The following MROH2A variants were observed in gnomAD, a reference collection of about 807,000 sequenced individuals.
MROH2A encodes the protein maestro heat-like repeat-containing protein family member 2A.
A neutral mutation model predicts 200.4 loss-of-function variants in MROH2A; 174 were observed. That is an observed-to-expected ratio of 0.87 (90% CI 0.77 to 0.98). MROH2A has a LOEUF of 0.98. MROH2A is among the 50% of genes least tolerant of loss of function. The probability of loss-of-function intolerance (pLI) is 0.00; values close to 1 mark genes in which losing one functional copy is unlikely to be tolerated. For missense variants in MROH2A, 2,045 were observed against 2,139.6 expected (o/e 0.96, Z 0.87); for synonymous variants, 829 against 840.4 (o/e 0.99, Z 0.23).
At chr2:233,788,071 ATAC>A (rs1358413623) in intron 3 of MROH2A, among the ~76,000 whole-genome samples, 6 of 93,996 alleles carry the variant, frequency 6.4e-5, no homozygotes, top group Admixed American at 1.7e-4. Flanking sequence ...TATTATATAT[ATAC>A]ATATATATTA....
chr2:233,802,110 T>A, intron 14 of MROH2A, 58 bp from the exon 15 acceptor site: 1 of 1,498,760 alleles, frequency 6.7e-7, no homozygotes, highest in Non-Finnish European at 9.0e-7. Context: ...ACTGTTCTCC[T>A]TAGAAGCCCA....
chr2:233,799,917 G>T lies in MROH2A; in HGVS notation c.1449+18G>T, dbSNP rs116915889. The T allele has an allele frequency of 6.5e-7, 1 of 1,550,180 alleles. No homozygotes were observed. Among genetic ancestry groups the T allele is most frequent in the Non-Finnish European group, 8.7e-7 (1 of 1,146,862 alleles). The stretch of plus-strand genomic sequence containing the variant: ...ACAAACTGGTGAGTGGCCCTGATAC[G>T]CAGACCGCAGAGCAGCTGGACTTGG... On this transcript the variant is annotated intron_variant, in intron 13 of 41. Coordinates refer to ENST00000389758, the MANE Select transcript of MROH2A (RefSeq NM_001394639.1).
chr2:233,776,108 A>T (rs549484562), upstream of MROH2A, among the ~76,000 whole-genome samples: 14 of 152,338 alleles, frequency 9.2e-5, no homozygotes, highest in African/African-American at 3.1e-4. Context: ...TCTTCATAGC[A>T]GTATGAAAAT....
At position 233,796,002 on chromosome 2, in the gene MROH2A, C is replaced by T; in HGVS notation, c.1095C>T (p.Ser365=). ...CNKAPAQHQY[S]SQNLMEMVHC... Reference sequence around the variant, plus strand: ...AGGCCCCGGCCCAGCATCAGTACAGCAGCCAGAATCTGATGGAGATGGTGC... The same window carrying T: ...AGGCCCCGGCCCAGCATCAGTACAGTAGCCAGAATCTGATGGAGATGGTGC... The change falls in exon 10 of 42, where the codon AGC becomes AGT. Residue 365 remains serine, a synonymous_variant. Transcript: ENST00000389758. 1 of 1,550,634 alleles carries T rather than the reference C, an allele frequency of 6.4e-7. No homozygotes were observed. Among genetic ancestry groups the T allele is most frequent in the Non-Finnish European group, 8.7e-7 (1 of 1,146,986 alleles).
Position 233,789,961 on chromosome 2 carries a change from A to C in MROH2A, c.518A>C (p.Asn173Thr), listed in dbSNP as rs1418444544. ...YELQHHLKPL[N>T]LTDEFVIITL... ...CTGCAGCACCACCTCAAGCCCCTCA[A>C]CCTCACTGATGAATTTGTCATCATC... Residue 173 changes from asparagine (N) to threonine (T), a missense_variant, in exon 5 of 42, where the codon AAC becomes ACC. Asn to Thr is a moderately conservative substitution (Grantham distance 65, BLOSUM62 0). Around this residue, in one of 3 missense-constraint regions of MROH2A, gnomAD observed 831 missense variants for 800.0 expected, o/e 1.04. Transcript: ENST00000389758. The C allele has an allele frequency of 6.5e-7, 1 of 1,550,296 alleles. No homozygotes were observed.
rs754440354 is a variant in MROH2A, at chr2:233,815,909, C to T, written c.2857-872C>T. On this transcript the variant is annotated intron_variant, in intron 26 of 41. Coordinates refer to ENST00000389758, the MANE Select transcript of MROH2A (RefSeq NM_001394639.1). Reference sequence around the variant, plus strand: ...GATACGTTGCGTTTTAATTTTATTTCGGTTCGAAACATTTTAAATTTCCCT... The same window carrying T: ...GATACGTTGCGTTTTAATTTTATTTTGGTTCGAAACATTTTAAATTTCCCT... Among the ~76,000 whole-genome samples, 82 of 120,052 alleles carry T rather than the reference C, an allele frequency of 6.8e-4. 1 individual carries two copies. Among genetic ancestry groups the T allele is most frequent in the Admixed American group, 2.8e-3 (31 of 11,138 alleles). 78.8% of individuals were successfully genotyped at this position (120,052 alleles called of 152,430 possible).
rs766177006 is a variant in MROH2A, at chr2:233,796,067, C to T, written c.1138+22C>T. 21 of 1,548,466 alleles carry T rather than the reference C, an allele frequency of 1.4e-5. No individual in the cohort carries two copies. The South Asian group carries it at 2.3e-4, about 17-fold the overall frequency. On this transcript the variant is annotated intron_variant, in intron 10 of 41. Transcript: ENST00000389758. The stretch of plus-strand genomic sequence containing the variant: ...CTTGGTGAGGCTCTGCGGCAGGGTG[C>T]TCCCTGCCTGCCCCGAGGCCTGCAG...
chr2:233,778,484 C>A lies in MROH2A; in HGVS notation c.-15+3C>A, dbSNP rs28900415. ...CCAGAAGAAGACCCTAAGGAAAGGT[C>A]AGTATTTAGGTCCCAGAGTAGCTCT... On this transcript the variant is annotated splice_donor_region_variant and intron_variant, in intron 1 of 41. Coordinates refer to ENST00000389758, the MANE Select transcript of MROH2A (RefSeq NM_001394639.1). 1,474 of 169,332 alleles carry A rather than the reference C, an allele frequency of 8.7e-3. 31 individuals are homozygous for A. Among genetic ancestry groups the A allele is most frequent in the African/African-American group, 0.034 (1,410 of 41,624 alleles). 10.5% of individuals were successfully genotyped at this position (169,332 alleles called of 1,614,324 possible).
rs1237589429 is a variant in MROH2A, at chr2:233,828,384, G to T, written c.4114-246G>T. Among the ~76,000 whole-genome samples, 1 of 152,084 alleles carries T rather than the reference G, an allele frequency of 6.6e-6. No homozygotes were observed. On this transcript the variant is annotated intron_variant, in intron 35 of 41. Coordinates refer to ENST00000389758, the MANE Select transcript of MROH2A (RefSeq NM_001394639.1). The surrounding 1 kb of genome is among the most constrained non-coding windows in gnomAD (Gnocchi z 4.6). ...TATGTTACCTGAAAAAATAAATGACGAATTTATATATATACGTAACACTTA... is the reference window on the plus strand; with the variant it reads ...TATGTTACCTGAAAAAATAAATGACTAATTTATATATATACGTAACACTTA...
chr2:233,796,343 G>A (rs1024617039), intron 11 of MROH2A, 30 bp downstream of exon 11: 3 of 854,182 alleles, frequency 3.5e-6, no homozygotes, highest in African/African-American at 1.7e-5. Context: ...TGGGGTGGGC[G>A]GGGAGGGTGG....
intron 19 of MROH2A, among the ~76,000 whole-genome samples, chr2:233,806,825 T>TG (rs796925629): frequency 5.3e-5 from 8 of 152,312 alleles, no homozygotes; most frequent in African/African-American, 1.7e-4. Flanking sequence ...CATAGGTTTT[T>TG]GGGGAACTGG....
rs1327894860 is a variant in MROH2A at position 233,805,077 on chromosome 2, A to G, written c.2018A>G (p.Gln673Arg). 1 of 1,549,918 alleles carries G rather than the reference A, an allele frequency of 6.5e-7. No homozygotes were observed. Among genetic ancestry groups the G allele is most frequent in the Admixed American group, 2.0e-5 (1 of 50,968 alleles). The change falls in exon 19 of 42, where the codon CAG (glutamine) becomes CGG (arginine). Residue 673 changes from glutamine to arginine, a missense_variant. Around this residue, in one of 3 missense-constraint regions of MROH2A, gnomAD observed 1,201 missense variants for 1,311.3 expected, o/e 0.92. Transcript: ENST00000389758. ...SLRLSKELNN[Q>R]IASFDSPSLE... ...CGCTTGAGTAAAGAGCTGAACAACC[A>G]GATTGCGAGCTTTGACAGCCCCTCT... is the stretch of plus-strand genomic sequence containing the variant.
chr2:233,818,969 G>A (rs6431636), intron 29 of MROH2A, among the ~76,000 whole-genome samples, 199 bp downstream of exon 29: 152,366 of 152,374 alleles, frequency 1, 76,179 homozygotes, highest in Middle Eastern at 1. Context: ...TCTCTGGCAC[G>A]CAGTAGGTGC....
chr2:233,786,662 G>A (rs1353859918), intron 3 of MROH2A, among the ~76,000 whole-genome samples: 1 of 152,160 alleles, frequency 6.6e-6, no homozygotes, highest in Non-Finnish European at 1.5e-5. Context: ...GCTAGCTCTG[G>A]GAGGAGTAGT....
intron 3 of MROH2A, among the ~76,000 whole-genome samples, chr2:233,786,182 C>G (rs923743256): frequency 1.3e-5 from 2 of 152,168 alleles, no homozygotes; most frequent in Non-Finnish European, 2.9e-5. Flanking sequence ...TGTCTCCTAC[C>G]ATGATTGTGA....
chr2:233,819,082 A>G (rs1017511038), intron 29 of MROH2A, among the ~76,000 whole-genome samples: 5 of 152,232 alleles, frequency 3.3e-5, no homozygotes, highest in African/African-American at 1.2e-4. Flanking sequence ...TGGTGTGGGC[A>G]CGTGGGCAGG....
At chr2:233,831,839 A>G (rs1010619924) in intron 39 of MROH2A, among the ~76,000 whole-genome samples, 4 of 152,224 alleles carry the variant, frequency 2.6e-5, no homozygotes, top group African/African-American at 9.6e-5. Context: ...CAGTATAAAA[A>G]CTATTATTGT....
At chr2:233,816,491 C>T (rs1395723664) in intron 26 of MROH2A, among the ~76,000 whole-genome samples, 1 of 152,170 alleles carries the variant, frequency 6.6e-6, no homozygotes, top group Non-Finnish European at 1.5e-5. Flanking sequence ...TCAGAACGGC[C>T]TCTGGGGCCA....
At chr2:233,827,635 G>A (rs1704405718) in intron 35 of MROH2A, among the ~76,000 whole-genome samples, 1 of 152,100 alleles carries the variant, frequency 6.6e-6, no homozygotes, top group Non-Finnish European at 1.5e-5. Flanking sequence ...TAATAACTCG[G>A]TGATGGGTCG....
Sources: allele counts gnomAD v4.1 joint callset (sites outside exome capture counted in the v4.1 genomes callset), GRCh38; gene constraint gnomAD v4.1.1; regional missense constraint gnomAD v4.1.1; non-coding constraint Gnocchi (gnomAD v3.1); transcripts MANE v1.5; gene names NCBI Gene and HGNC (gene_info 2026-07-23, HGNC 2026-07-21).